The following CPED1 variants were observed in gnomAD, a reference collection of about 807,000 sequenced individuals.
CPED1 encodes cadherin-like and PC-esterase domain-containing protein 1.
In CPED1, 114 loss-of-function variants were observed where a neutral mutation model predicts 128.2. The observed-to-expected ratio is 0.89, with a 90% CI of 0.76 to 1.04. CPED1 has a LOEUF of 1.04. Ranked by LOEUF, CPED1 falls within the 50% of genes least tolerant of loss-of-function variation. The pLI is 0.00. For missense variants in CPED1, 1,211 were observed against 1,207.1 expected (o/e 1.00, Z -0.05); for synonymous variants, 462 against 426.7 (o/e 1.08, Z -1.02).
At chr7:121,005,264 CT>C (rs1262058063) in intron 2 of CPED1, among the ~76,000 whole-genome samples, 2 of 152,088 alleles carry the variant, frequency 1.3e-5, no homozygotes, top group African/African-American at 2.4e-5. Context: ...TGAACTCATC[CT>C]TTTTTATGGC....
At chr7:121,116,956 CTCTCTCTA>C (rs1450742353) in intron 7 of CPED1, among the ~76,000 whole-genome samples, 243 of 81,452 alleles carry the variant, frequency 3.0e-3, no homozygotes, top group African/African-American at 8.1e-3. Flanking sequence ...CTCTCTCTCT[CTCTCTCTA>C]TATATATATA....
intron 7 of CPED1, among the ~76,000 whole-genome samples, chr7:121,115,019 T>C (rs992925144): frequency 6.6e-6 from 1 of 152,200 alleles, no homozygotes; most frequent in African/African-American, 2.4e-5. Context: ...CTACAATTGA[T>C]TCATATCCTT....
chr7:121,162,647 C>T (rs1796437463), intron 16 of CPED1, among the ~76,000 whole-genome samples: 1 of 152,082 alleles, frequency 6.6e-6, no homozygotes. Flanking sequence ...CCAGATATTC[C>T]AAGCTCCAGG....
chr7:121,074,522 T>TTTTTTTTC (rs1336296383), intron 5 of CPED1, among the ~76,000 whole-genome samples: 1 of 146,640 alleles, frequency 6.8e-6, no homozygotes, highest in Non-Finnish European at 1.5e-5. Flanking sequence ...TTTTTTTTTT[T>TTTTTTTTC]TTTTTGAGGG....
intron 5 of CPED1, among the ~76,000 whole-genome samples, chr7:121,094,502 C>G (rs1377384286): frequency 6.6e-6 from 1 of 152,106 alleles, no homozygotes; most frequent in Non-Finnish European, 1.5e-5. Flanking sequence ...TGTTCTCTAA[C>G]CATAGATTGG....
rs183518576 is a variant in CPED1, at chr7:121,184,441, T to A, written c.2055+42300T>A. ...ATTTAACCCTAAAGCTGCTTTTAAT[T>A]ATTTCTGAGTTTCACCACACCTATC... On this transcript the variant is annotated intron_variant, in intron 16 of 22. Transcript: ENST00000310396. 1.1e-3 allele frequency among the ~76,000 whole-genome samples: 167 copies of A among 152,322 alleles called. 1 individual carries two copies. Among genetic ancestry groups the A allele is most frequent in the Non-Finnish European group, 1.4e-3 (97 of 68,040 alleles).
intron 3 of CPED1, among the ~76,000 whole-genome samples, chr7:121,036,157 C>G (rs1437366516): frequency 6.6e-6 from 1 of 152,124 alleles, no homozygotes; most frequent in African/African-American, 2.4e-5. Context: ...TTCTGGAGAA[C>G]AGGTGGCATT....
In CPED1 at chr7:121,097,816, G is replaced by A; in HGVS notation, c.734G>A (p.Trp245Ter). The change falls in exon 6 of 23, where the codon TGG (tryptophan) becomes TAG (stop). Residue 245 changes from tryptophan to a stop codon, truncating the protein, a stop_gained. Transcript: ENST00000310396. LOFTEE classifies it high-confidence loss of function. Reference protein sequence around the residue: ...VKPRVWKPGDWSREQLNETTV... With the variant: ...VKPRVWKPGD ...CCACGTGTGTGGAAACCAGGGGACTGGAGTCGTGAACAGCTGTAAGCTAAT... is the reference window on the plus strand; with the variant it reads ...CCACGTGTGTGGAAACCAGGGGACTAGAGTCGTGAACAGCTGTAAGCTAAT... The A allele has an allele frequency of 6.2e-7, 1 of 1,613,750 alleles. No homozygotes were observed. Among genetic ancestry groups the A allele is most frequent in the African/African-American group, 1.3e-5 (1 of 75,034 alleles).
intron 22 of CPED1, among the ~76,000 whole-genome samples, chr7:121,287,202 A>G (rs1466178013): frequency 6.6e-6 from 1 of 152,134 alleles, no homozygotes; most frequent in Non-Finnish European, 1.5e-5. Context: ...ATCATGAACC[A>G]TGGTAGGACA....
At chr7:121,012,084 T>TGAA (rs1417941322) in intron 2 of CPED1, among the ~76,000 whole-genome samples, 1 of 151,862 alleles carries the variant, frequency 6.6e-6, no homozygotes, top group Non-Finnish European at 1.5e-5. Flanking sequence ...GCTCAGTAGA[T>TGAA]GAAGCAAGCA....
At position 121,276,100 on chromosome 7, in the gene CPED1, T is replaced by C. The variant is rs149806626; in HGVS notation, c.2868+4670T>C. On this transcript the variant is annotated intron_variant, in intron 22 of 22. Coordinates refer to ENST00000310396, the MANE Select transcript of CPED1 (RefSeq NM_024913.5). Reference sequence around the variant, plus strand: ...TCAATAGATATTTTTGAGTATCTACTCTATGCAAGCATTGTACTACTGCTG... The same window carrying C: ...TCAATAGATATTTTTGAGTATCTACCCTATGCAAGCATTGTACTACTGCTG... 2.5e-3 allele frequency among the ~76,000 whole-genome samples: 380 copies of C among 152,258 alleles called. 3 individuals are homozygous for C. Among genetic ancestry groups the C allele is most frequent in the African/African-American group, 8.3e-3 (346 of 41,570 alleles).
Position 121,074,509 on chromosome 7 carries a change from G to GTTTTT in CPED1, c.616+10210_616+10214dup, listed in dbSNP as rs1157885862. Reference sequence around the variant, plus strand: ...TTCCTTACTAATAAATTTCCTTTGTGTTTTTTTTTTTTTTTTTTGAGGGCA... The same window carrying GTTTTT: ...TTCCTTACTAATAAATTTCCTTTGTGTTTTTTTTTTTTTTTTTTTTTTTGAGGGCA... On this transcript the variant is annotated intron_variant, in intron 5 of 22. Coordinates refer to ENST00000310396, the MANE Select transcript of CPED1 (RefSeq NM_024913.5). Among the ~76,000 whole-genome samples, 122 of 80,840 alleles carry GTTTTT rather than the reference G, an allele frequency of 1.5e-3. 9 individuals carry two copies. The highest frequency in any genetic ancestry group is 5.0e-3 in the African/African-American group (110 of 22,026). The allele number at this position is 80,840 out of a possible 152,430, so 53.0% of individuals were successfully genotyped here.
At chr7:120,998,799 C>A (rs1156497517) in intron 2 of CPED1, among the ~76,000 whole-genome samples, 1 of 151,274 alleles carries the variant, frequency 6.6e-6, no homozygotes, top group Non-Finnish European at 1.5e-5. Context: ...GGCAAGTCTT[C>A]AGTTTTGTGG....
At chr7:121,251,106 A>G (rs1798661975) in intron 18 of CPED1, among the ~76,000 whole-genome samples, 2 of 151,614 alleles carry the variant, frequency 1.3e-5, no homozygotes, top group Admixed American at 6.6e-5. Flanking sequence ...ACATCAAAAA[A>G]CTTATCCACC....
intron 16 of CPED1, among the ~76,000 whole-genome samples, chr7:121,160,656 G>T (rs920597115): frequency 1.3e-5 from 2 of 152,184 alleles, no homozygotes; most frequent in Admixed American, 1.3e-4. Flanking sequence ...CTGCTGGTAA[G>T]GTTCGCCAGG....
rs1792288775 is a variant in CPED1, at chr7:121,015,841, A to G, written c.426A>G (p.Leu142=). ...RLNAGLGPGL[L]EQGDLGSWDL... is the part of the protein sequence containing the mutation. ...ATGCTGGCCTAGGGCCGGGGCTACTAGAACAAGGTCAGAATAGTGAGAAGT... is the reference window on the plus strand; with the variant it reads ...ATGCTGGCCTAGGGCCGGGGCTACTGGAACAAGGTCAGAATAGTGAGAAGT... The change falls in exon 3 of 23, where the codon CTA becomes CTG. Residue 142 remains leucine, a synonymous_variant. Coordinates refer to ENST00000310396, the MANE Select transcript of CPED1 (RefSeq NM_024913.5). 2 of 1,549,774 alleles carry G rather than the reference A, an allele frequency of 1.3e-6. 1 individual carries two copies. The highest frequency in any genetic ancestry group is 2.5e-5 in the South Asian group (2 of 78,778).
chr7:121,002,511 A>G (rs1180036055), intron 2 of CPED1, among the ~76,000 whole-genome samples: 1 of 152,164 alleles, frequency 6.6e-6, no homozygotes, highest in East Asian at 1.9e-4. Context: ...TTAATAACAC[A>G]TCTGAAACTC....
intron 18 of CPED1, among the ~76,000 whole-genome samples, chr7:121,255,355 A>T (rs542241657): frequency 2.3e-4 from 35 of 152,104 alleles, no homozygotes; most frequent in Non-Finnish European, 5.0e-4. Context: ...TATAAATTTC[A>T]ACATTCCTTC....
chr7:121,078,917 G>T (rs1035478323), intron 5 of CPED1, among the ~76,000 whole-genome samples: 8 of 152,166 alleles, frequency 5.3e-5, no homozygotes, highest in African/African-American at 1.9e-4. Context: ...CTAAGATAAG[G>T]TGTCAGCAGA....
Sources: allele counts gnomAD v4.1 joint callset (sites outside exome capture counted in the v4.1 genomes callset), GRCh38; gene constraint gnomAD v4.1.1; transcripts MANE v1.5; gene names NCBI Gene and HGNC (gene_info 2026-07-23, HGNC 2026-07-21).